PEPD: variants seen among roughly 807,000 people sequenced by gnomAD.
PEPD encodes xaa-Pro dipeptidase.
Under a neutral mutation model 60.7 loss-of-function variants are expected in PEPD, and 53 were observed. That is an observed-to-expected ratio of 0.87 (90% CI 0.70 to 1.10). The LOEUF (loss-of-function observed/expected upper bound fraction) is 1.10. Ranked by LOEUF, PEPD falls within the 50% of genes least tolerant of loss-of-function variation. PEPD has a pLI of 0.00. For missense variants in PEPD, 711 were observed against 711.9 expected, an observed-to-expected ratio of 1.00 and a Z score of 0.01; for synonymous variants, 267 against 284.1, an observed-to-expected ratio of 0.94 and a Z score of 0.60.
At chr19:33,510,049 G>A (rs1419197913) in intron 3 of PEPD, among the ~76,000 whole-genome samples, 1 of 152,232 alleles carries the variant, frequency 6.6e-6, no homozygotes, top group Non-Finnish European at 1.5e-5. Flanking sequence ...CCACCCTCAG[G>A]CACGCACAGG....
Position 33,499,736 on chromosome 19 carries a change from A to C in PEPD, c.393+1202T>G, listed in dbSNP as rs78219081. ...AAGGCCTCAAAAGATGGATAGGAGA[A>C]AGACAGAGAAATGGAAAACATATTC... On this transcript the variant is annotated intron_variant, in intron 4 of 14. Transcript: ENST00000244137. Among the ~76,000 whole-genome samples, 51 of 152,312 alleles carry C rather than the reference A, an allele frequency of 3.3e-4. No homozygotes were observed. The East Asian group carries it at 8.3e-3, about 25-fold the overall frequency.
At chr19:33,400,006 T>A (rs1249596310) in intron 12 of PEPD, among the ~76,000 whole-genome samples, 1 of 151,704 alleles carries the variant, frequency 6.6e-6, no homozygotes, top group African/African-American at 2.4e-5. Flanking sequence ...GCACTCTGGG[T>A]CTGGGGCCTG....
intron 1 of PEPD, among the ~76,000 whole-genome samples, chr19:33,518,542 T>C (rs928495276): frequency 6.6e-6 from 1 of 152,162 alleles, no homozygotes; most frequent in Non-Finnish European, 1.5e-5. Flanking sequence ...TGGGAGCCAC[T>C]CAGTTAAAGA....
chr19:33,473,122 CT>C (rs1416826977), intron 7 of PEPD, among the ~76,000 whole-genome samples: 1 of 152,178 alleles, frequency 6.6e-6, no homozygotes, highest in Non-Finnish European at 1.5e-5. Context: ...CTGGCCACGC[CT>C]TTCCTTCTGT....
At chr19:33,469,521 A>G (rs1255405936) in intron 7 of PEPD, among the ~76,000 whole-genome samples, 4 of 151,420 alleles carry the variant, frequency 2.6e-5, no homozygotes, top group African/African-American at 9.7e-5. Flanking sequence ...AGATGGGTCC[A>G]CTCTCACCTC....
intron 11 of PEPD, among the ~76,000 whole-genome samples, chr19:33,406,835 C>T (rs1055768616): frequency 6.6e-6 from 1 of 152,168 alleles, no homozygotes; most frequent in African/African-American, 2.4e-5. Context: ...GTCGAGGTCT[C>T]GCCATTATCT....
intron 9 of PEPD, among the ~76,000 whole-genome samples, chr19:33,449,208 A>G (rs960727401): frequency 6.6e-6 from 1 of 152,130 alleles, no homozygotes; most frequent in Admixed American, 6.5e-5. Context: ...ACCTGGTGCA[A>G]CTCATAGCCC....
chr19:33,454,642 T>C (rs1431394862), intron 9 of PEPD, among the ~76,000 whole-genome samples: 1 of 151,290 alleles, frequency 6.6e-6, no homozygotes, highest in African/African-American at 2.4e-5. Context: ...AATTTCAAGT[T>C]TAAAAAAAAA....
intron 9 of PEPD, among the ~76,000 whole-genome samples, chr19:33,421,110 T>G (rs1183742979): frequency 6.6e-6 from 1 of 152,202 alleles, no homozygotes; most frequent in Non-Finnish European, 1.5e-5. Context: ...TGGGTGAGCG[T>G]TCGGGTTGTT....
chr19:33,387,728 AG>A, intron 14 of PEPD, 161 bp downstream of exon 14: 1 of 766,296 alleles, frequency 1.3e-6, no homozygotes. Flanking sequence ...GTTCCTACTG[AG>A]GGGTGAGGCT....
At chr19:33,451,105 T>G (rs1462794970) in intron 9 of PEPD, among the ~76,000 whole-genome samples, 3 of 152,236 alleles carry the variant, frequency 2.0e-5, no homozygotes, top group African/African-American at 7.2e-5. Context: ...AGCCCTGCTC[T>G]GCAGGGGTAG....
intron 6 of PEPD, among the ~76,000 whole-genome samples, chr19:33,483,140 T>C (rs548361561): frequency 6.6e-6 from 1 of 152,234 alleles, no homozygotes; most frequent in South Asian, 2.1e-4. Flanking sequence ...AATAACAATA[T>C]GAAATATCAT....
chr19:33,394,873 C>T (rs1411968866), intron 12 of PEPD, among the ~76,000 whole-genome samples: 1 of 152,218 alleles, frequency 6.6e-6, no homozygotes, highest in Non-Finnish European at 1.5e-5. Flanking sequence ...CTGGCTTTCC[C>T]GAAGCACCCC....
At chr19:33,464,170 G>C (rs1314794036) in intron 7 of PEPD, 108 bp from the exon 8 acceptor site, 3 of 796,772 alleles carry the variant, frequency 3.8e-6, no homozygotes, top group African/African-American at 3.4e-5. Flanking sequence ...AGCCCAGAAG[G>C]CGTGTTGTGC....
At chr19:33,473,535 AAC>A (rs145929192) in intron 7 of PEPD, among the ~76,000 whole-genome samples, 11,369 of 152,194 alleles carry the variant, frequency 0.075, 519 homozygotes, top group Non-Finnish European at 0.11. Flanking sequence ...GACTCAATTT[AAC>A]ACAGTCTCGC....
intron 9 of PEPD, among the ~76,000 whole-genome samples, chr19:33,456,594 C>T (rs990886545): frequency 2.6e-5 from 4 of 152,200 alleles, no homozygotes; most frequent in African/African-American, 9.7e-5. Context: ...TCTGAATGGG[C>T]TGTGCCAGTG....
In PEPD at chr19:33,389,468, G is replaced by A. The variant is rs548554886; in HGVS notation, c.1153-1387C>T. ...AGGGTCTCTGCTCCAGGACCTTCCC[G>A]TCCCTGTCATCCGAAGCCTGTGCTG... is the stretch of plus-strand genomic sequence containing the variant. On this transcript the variant is annotated intron_variant, in intron 13 of 14. Coordinates refer to ENST00000244137, the MANE Select transcript of PEPD (RefSeq NM_000285.4). Among the ~76,000 whole-genome samples the A allele has an allele frequency of 2.0e-4, 30 of 151,814 alleles. No homozygotes were observed. The South Asian group carries it at 5.0e-3, about 25-fold the overall frequency.
intron 3 of PEPD, among the ~76,000 whole-genome samples, chr19:33,504,931 A>T (rs1402563782): frequency 6.6e-6 from 1 of 151,976 alleles, no homozygotes; most frequent in African/African-American, 2.4e-5. Context: ...GCATCCAGGG[A>T]CCCCAGTTGG....
At chr19:33,401,585 A>G in intron 12 of PEPD, 136 bp downstream of exon 12, 3 of 837,606 alleles carry the variant, frequency 3.6e-6, no homozygotes, top group Non-Finnish European at 5.9e-6. Flanking sequence ...CGCCACTGGA[A>G]TCTCAGGGAC....
Sources: allele counts gnomAD v4.1 joint callset (sites outside exome capture counted in the v4.1 genomes callset), GRCh38; gene constraint gnomAD v4.1.1; transcripts MANE v1.5; gene names NCBI Gene and HGNC (gene_info 2026-07-23, HGNC 2026-07-21).